The following PACS1 variants were observed in gnomAD, a reference collection of about 807,000 sequenced individuals.
The protein encoded by PACS1 is PACS-1.
Under a neutral mutation model 115.0 loss-of-function variants are expected in PACS1, and 24 were observed. The ratio of observed to expected loss-of-function variants is 0.21; its 90% CI spans 0.15 to 0.29. PACS1 has a LOEUF of 0.29. PACS1 is among the 10% of genes least tolerant of loss of function. The pLI, the probability that PACS1 is intolerant of heterozygous loss-of-function variation, is 1.00. For synonymous variants in PACS1, 453 were observed against 504.5 expected (o/e 0.90, Z 1.37); for missense variants, 838 against 1,251.2 (o/e 0.67, Z 4.98).
intron 1 of PACS1, among the ~76,000 whole-genome samples, chr11:66,183,268 A>G (rs1860047367): frequency 6.6e-6 from 1 of 152,246 alleles, no homozygotes; most frequent in Non-Finnish European, 1.5e-5. Context: ...TATAGTGCTC[A>G]GAAATTTACT....
chr11:66,095,802 G>A (rs1462394409), intron 1 of PACS1, among the ~76,000 whole-genome samples: 2 of 152,136 alleles, frequency 1.3e-5, no homozygotes, highest in African/African-American at 4.8e-5. Context: ...ATATATTTTA[G>A]AGAGTCACGT....
intron 17 of PACS1, 71 bp downstream of exon 17, chr11:66,234,313 G>C: frequency 1.0e-6 from 1 of 971,516 alleles, no homozygotes; most frequent in Non-Finnish European, 1.7e-6. Context: ...TGCAGAAGGA[G>C]GCTGAGGTCA....
intron 1 of PACS1, among the ~76,000 whole-genome samples, chr11:66,093,130 G>A (rs1045109539): frequency 5.9e-5 from 9 of 152,098 alleles, no homozygotes; most frequent in African/African-American, 1.9e-4. Context: ...TCACGATATT[G>A]ATTCTTCCTA....
At chr11:66,177,941 G>T (rs1001568118) in intron 1 of PACS1, among the ~76,000 whole-genome samples, 1 of 148,952 alleles carries the variant, frequency 6.7e-6, no homozygotes, top group African/African-American at 2.6e-5. Context: ...AGTCCATAAT[G>T]GATGCTTAAG....
chr11:66,127,580 CAG>C (rs1400157165), intron 1 of PACS1, among the ~76,000 whole-genome samples: 3 of 152,168 alleles, frequency 2.0e-5, no homozygotes, highest in Non-Finnish European at 4.4e-5. Context: ...ACAAGTGCAT[CAG>C]GGTACGTTCA....
In PACS1 at chr11:66,220,724, C is replaced by G. The variant is rs1351991667; in HGVS notation, c.1132C>G (p.Pro378Ala). Residue 378 changes from proline (P) to alanine (A), a missense_variant, in exon 9 of 24, where the codon CCC (proline) becomes GCC (alanine). Physicochemically the swap from Pro to Ala is conservative, Grantham distance 27. Transcript: ENST00000320580. ...GTATGACAGTCTGGAGATGTACAAC[C>G]CCAGCGACAGTGGCCCTGAGATGGA... ...ELYDSLEMYN[P>A]SDSGPEMEET... is the part of the protein sequence containing the mutation. 5 of 1,613,962 alleles carry G rather than the reference C, an allele frequency of 3.1e-6. No homozygotes were observed. The South Asian group carries it at 5.5e-5, about 18-fold the overall frequency.
intron 1 of PACS1, among the ~76,000 whole-genome samples, chr11:66,190,828 G>A (rs1181590173): frequency 1.3e-5 from 2 of 152,188 alleles, no homozygotes; most frequent in African/African-American, 4.8e-5. Context: ...GGAGGAAACA[G>A]CATGAACCCA....
intron 19 of PACS1, chr11:66,238,215 G>A (rs1855742659): frequency 1.0e-6 from 1 of 985,216 alleles, no homozygotes; most frequent in African/African-American, 1.7e-5. Context: ...GACCAGAGAG[G>A]AGAAGGCTGG....
intron 13 of PACS1, among the ~76,000 whole-genome samples, chr11:66,231,387 A>G (rs1254339236): frequency 6.6e-6 from 1 of 152,198 alleles, no homozygotes; most frequent in Non-Finnish European, 1.5e-5. Context: ...GGAAGCCAAC[A>G]ATATTAAACT....
At chr11:66,175,804 G>T (rs1356995534) in intron 1 of PACS1, among the ~76,000 whole-genome samples, 5 of 152,222 alleles carry the variant, frequency 3.3e-5, no homozygotes, top group African/African-American at 4.8e-5. Flanking sequence ...CCAGAAACCT[G>T]AGCGTCGTCT....
At chr11:66,217,101 C>T in intron 7 of PACS1, 1 of 379,218 alleles carries the variant, frequency 2.6e-6, no homozygotes, top group South Asian at 2.7e-5. Flanking sequence ...TGCTTCATGT[C>T]ACATGCTGTC....
chr11:66,124,143 G>A (rs920827045), intron 1 of PACS1, among the ~76,000 whole-genome samples: 28 of 152,222 alleles, frequency 1.8e-4, no homozygotes, highest in Admixed American at 1.0e-3. Flanking sequence ...AATCTCAAGT[G>A]TGCAAAATGC....
intron 4 of PACS1, among the ~76,000 whole-genome samples, chr11:66,213,392 T>C (rs1414181776): frequency 6.6e-6 from 1 of 152,202 alleles, no homozygotes; most frequent in Non-Finnish European, 1.5e-5. Context: ...GTACAAAACA[T>C]TTCAGGCTCA....
chr11:66,171,812 C>T (rs1368063578), intron 1 of PACS1, among the ~76,000 whole-genome samples: 1 of 150,946 alleles, frequency 6.6e-6, no homozygotes, highest in Non-Finnish European at 1.5e-5. Context: ...ATCTCCTGAC[C>T]TTGTGATCCG....
chr11:66,070,406 C>T lies in PACS1; in HGVS notation c.-81C>T, dbSNP rs2134485929. 5 of 898,678 alleles carry T rather than the reference C, an allele frequency of 5.6e-6. No homozygotes were observed. The highest frequency in any genetic ancestry group is 5.7e-6 in the Non-Finnish European group (4 of 696,462). 55.7% of individuals were successfully genotyped at this position (898,678 alleles called of 1,614,324 possible). A position where few individuals can be genotyped will look rare whatever the true frequency, so the allele number is the denominator to read the frequency against. On this transcript the variant is annotated 5_prime_UTR_variant, in exon 1 of 24. Coordinates refer to ENST00000320580, the MANE Select transcript of PACS1 (RefSeq NM_018026.4). This position sits in a 1 kb window ranked among gnomAD's most constrained non-coding sequence, Gnocchi z 5.9. ...AGGCGGGCTGAGGAGGCTGCCGCGCCCCCGCCGCCGCCGCCGCGGGGGAAG... is the reference window on the plus strand; with the variant it reads ...AGGCGGGCTGAGGAGGCTGCCGCGCTCCCGCCGCCGCCGCCGCGGGGGAAG...
intron 1 of PACS1, among the ~76,000 whole-genome samples, chr11:66,071,883 T>C (rs1460422893): frequency 6.6e-6 from 1 of 152,086 alleles, no homozygotes; most frequent in African/African-American, 2.4e-5. Context: ...TAATATTGTT[T>C]TATATATATA....
chr11:66,114,962 T>C (rs1402770534), intron 1 of PACS1, among the ~76,000 whole-genome samples: 1 of 152,062 alleles, frequency 6.6e-6, no homozygotes, highest in African/African-American at 2.4e-5. Flanking sequence ...CCCAGCACTT[T>C]AGTAGGCTGA....
At chr11:66,176,989 G>C (rs998473464) in intron 1 of PACS1, among the ~76,000 whole-genome samples, 1 of 152,142 alleles carries the variant, frequency 6.6e-6, no homozygotes, top group Non-Finnish European at 1.5e-5. Context: ...AGGATGCTCT[G>C]AGGTCAGGGA....
At chr11:66,103,646 G>A (rs140248141) in intron 1 of PACS1, among the ~76,000 whole-genome samples, 3,589 of 151,234 alleles carry the variant, frequency 0.024, 163 homozygotes, top group African/African-American at 0.083. Flanking sequence ...CAGTAGCTGG[G>A]ATTACAGGTG....
Sources: gnomAD v4.1 joint callset for allele counts (sites outside exome capture counted in the v4.1 genomes callset) on GRCh38, gnomAD v4.1.1 for gene constraint, Gnocchi (gnomAD v3.1) non-coding constraint, MANE v1.5 for transcripts, NCBI Gene and HGNC (gene_info 2026-07-23, HGNC 2026-07-21) for gene names.